RAD52: variants seen among roughly 807,000 people sequenced by gnomAD.
The protein encoded by RAD52 is RAD52 DNA repair protein, also known as DNA repair protein RAD52 homolog.
A neutral mutation model predicts 55.5 loss-of-function variants in RAD52; 47 were observed. That is an observed-to-expected ratio of 0.85 (90% confidence interval 0.67 to 1.08). RAD52 has a LOEUF of 1.08. Ranked by LOEUF, RAD52 falls within the 50% of genes least tolerant of loss-of-function variation. The pLI, the probability that RAD52 is intolerant of heterozygous loss-of-function variation, is 0.00. For synonymous variants in RAD52, 184 were observed against 198.9 expected (o/e 0.92, Z 0.63); for missense variants, 468 against 522.8 (o/e 0.90, Z 1.02).
Position 912,327 on chromosome 12 carries a change from C to T in RAD52, c.*1064G>A, listed in dbSNP as rs1308038383. On this transcript the variant is annotated 3_prime_UTR_variant, in exon 12 of 12. Transcript: ENST00000358495. ...CTAAGAGAAAAAAAAACCCAGCCCTCTTCAGCTGCAGTGTATCTTCTTATA... is the reference window on the plus strand; with the variant it reads ...CTAAGAGAAAAAAAAACCCAGCCCTTTTCAGCTGCAGTGTATCTTCTTATA... 1 of 201,502 alleles carries T rather than the reference C, an allele frequency of 5.0e-6. No homozygotes were observed. The highest frequency in any genetic ancestry group is 7.6e-5 in the East Asian group (1 of 13,240). The allele number at this position is 201,502 out of a possible 1,614,324, so 12.5% of individuals were successfully genotyped here.
At chr12:977,922 C>A (rs1958955214) in intron 1 of RAD52, among the ~76,000 whole-genome samples, 1 of 152,062 alleles carries the variant, frequency 6.6e-6, no homozygotes, top group Non-Finnish European at 1.5e-5. Context: ...AAATGCAAAA[C>A]CTATGAGTGG....
intron 9 of RAD52, among the ~76,000 whole-genome samples, chr12:916,025 C>G (rs2154108360): frequency 6.6e-6 from 1 of 152,232 alleles, no homozygotes; most frequent in Non-Finnish European, 1.5e-5. Flanking sequence ...CCAAGGCTTT[C>G]TAATGTAGAG....
chr12:961,309 CAAAAAAAAAAA>C (rs60547688), intron 1 of RAD52, among the ~76,000 whole-genome samples: 2 of 33,810 alleles, frequency 5.9e-5, no homozygotes, highest in East Asian at 9.6e-4. Flanking sequence ...GACTCCATCT[CAAAAAAAAAAA>C]AAAAAAAAAA....
At chr12:981,339 A>G (rs1959012473) in intron 1 of RAD52, among the ~76,000 whole-genome samples, 1 of 151,310 alleles carries the variant, frequency 6.6e-6, no homozygotes, top group African/African-American at 2.4e-5. Context: ...TCTCAAAACA[A>G]CAACAACCAC....
chr12:929,663 G>T, intron 5 of RAD52, 156 bp downstream of exon 5: 2 of 811,992 alleles, frequency 2.5e-6, no homozygotes, highest in Non-Finnish European at 2.2e-6. Context: ...GGGAGCACAT[G>T]AGCAAGAGTA....
rs1592316621 is a variant in RAD52, at chr12:916,729, A to G, written c.635T>C (p.Met212Thr). ...EARYNSCRPN[M>T]ALGHPQLQQV... ...CTGCAGCTGTGGGTGTCCCAGGGCC[A>G]TGTTCGGTCGGCAGCTGTTGTATCT... is the stretch of plus-strand genomic sequence containing the variant. The change falls in exon 8 of 12, where the codon ATG becomes ACG. Residue 212 changes from methionine (M) to threonine (T), a missense_variant. By Grantham distance (81) the Met-to-Thr change is moderately conservative. Transcript: ENST00000358495. 6.2e-7 allele frequency: 1 copy of G among 1,614,150 alleles called. No individual in the cohort carries two copies. The highest frequency in any genetic ancestry group is 1.1e-5 in the South Asian group (1 of 91,078).
chr12:929,285 A>G (rs1291611183), intron 5 of RAD52, among the ~76,000 whole-genome samples: 1 of 152,228 alleles, frequency 6.6e-6, no homozygotes, highest in Non-Finnish European at 1.5e-5. Context: ...AAGCTTGTTC[A>G]TTGTATTTCT....
intron 1 of RAD52, among the ~76,000 whole-genome samples, chr12:985,163 C>G (rs796666370): frequency 1.1e-4 from 17 of 152,148 alleles, no homozygotes; most frequent in African/African-American, 4.1e-4. Context: ...TTTTTGGAGA[C>G]AGGATATTGG....
At chr12:949,696 G>C (rs1400291017), upstream of RAD52, 2 of 152,398 alleles carry the variant, frequency 1.3e-5, no homozygotes, top group Non-Finnish European at 2.9e-5. Context: ...GAGGAGAATG[G>C]GAAGGGTGCG....
intron 1 of RAD52, among the ~76,000 whole-genome samples, chr12:988,576 C>T (rs1187328004): frequency 6.6e-6 from 1 of 152,162 alleles, no homozygotes; most frequent in Non-Finnish European, 1.5e-5. Flanking sequence ...ATTCTGCAGG[C>T]TGTACAGGAA....
rs60090525 is a variant in RAD52, at chr12:912,722, C to CAAAAA, written c.*664_*668dup. On this transcript the variant is annotated 3_prime_UTR_variant, in exon 12 of 12. Transcript: ENST00000358495. ...AGGGCAACACAGCCAGACCCCGTCT[C>CAAAAA]AAAAAAAAAAAAAAAAAAAAAAACA... The CAAAAA allele has an allele frequency of 0.06, 4,364 of 72,900 alleles. 238 individuals carry two copies. Among genetic ancestry groups the CAAAAA allele is most frequent in the Non-Finnish European group, 0.078 (3,034 of 39,112 alleles). 4.5% of individuals were successfully genotyped at this position (72,900 alleles called of 1,614,324 possible). A position where few individuals can be genotyped will look rare whatever the true frequency, so the allele number is the denominator to read the frequency against.
chr12:985,421 G>A (rs1048312175), intron 1 of RAD52, among the ~76,000 whole-genome samples: 24 of 152,134 alleles, frequency 1.6e-4, no homozygotes, highest in African/African-American at 5.3e-4. Context: ...TGAGATTACA[G>A]GCATAAAGCC....
intron 7 of RAD52, among the ~76,000 whole-genome samples, chr12:917,153 T>C (rs11571461): frequency 0.07 from 10,655 of 152,214 alleles, 442 homozygotes; most frequent in African/African-American, 0.086. Flanking sequence ...TCTGTGGAGG[T>C]CTGTACCTTC....
At chr12:978,242 A>G (rs1456788249) in intron 1 of RAD52, among the ~76,000 whole-genome samples, 1 of 151,748 alleles carries the variant, frequency 6.6e-6, no homozygotes, top group African/African-American at 2.4e-5. Context: ...TTTAGTAGAC[A>G]CAGGGTTTCA....
intron 1 of RAD52, among the ~76,000 whole-genome samples, chr12:960,751 GCCACCTTA>G (rs1361180197): frequency 7.2e-5 from 11 of 152,112 alleles, no homozygotes; most frequent in Admixed American, 7.2e-4. Flanking sequence ...ATAGATGTGA[GCCACCTTA>G]CCCAACCAAA....
Position 967,691 on chromosome 12 carries a change from AC to A in RAD52, c.-19+22117del, listed in dbSNP as rs999752935. On this transcript the variant is annotated intron_variant, in intron 1 of 11. Transcript: ENST00000430095. ...GCGACCAAAGTTCACTGAAGCCTCG[AC>A]TTCCCTGGCTCCAACGATCCTCCCT... Among the ~76,000 whole-genome samples, 11 of 151,998 alleles carry A rather than the reference AC, an allele frequency of 7.2e-5. No individual in the cohort carries two copies. The East Asian group carries it at 1.3e-3, about 19-fold the overall frequency.
At chr12:944,621 A>AC (rs1555177732) in intron 1 of RAD52, among the ~76,000 whole-genome samples, 1 of 116,640 alleles carries the variant, frequency 8.6e-6, no homozygotes, top group Non-Finnish European at 2.1e-5. Flanking sequence ...AAAAAAAAAA[A>AC]AAAAAAACTC....
intron 1 of RAD52, among the ~76,000 whole-genome samples, chr12:981,827 T>C (rs1250845189): frequency 8.9e-6 from 1 of 112,238 alleles, no homozygotes; most frequent in African/African-American, 2.7e-5. Context: ...AGGCAAATTC[T>C]GTTGAACTTT....
chr12:919,149 G>A (rs12827646), intron 7 of RAD52, among the ~76,000 whole-genome samples: 16,334 of 152,146 alleles, frequency 0.11, 967 homozygotes, highest in South Asian at 0.17. Context: ...TCTGGGAGGT[G>A]AACAGCTGTG....
Sources: gnomAD v4.1 joint callset for allele counts (sites outside exome capture counted in the v4.1 genomes callset) on GRCh38, gnomAD v4.1.1 for gene constraint, MANE v1.5 for transcripts, NCBI Gene and HGNC (gene_info 2026-07-23, HGNC 2026-07-21) for gene names.